The following CCDC88C variants were observed in gnomAD, a reference collection of about 807,000 sequenced individuals.
CCDC88C encodes protein Daple.
Under a neutral mutation model 198.8 loss-of-function variants are expected in CCDC88C, and 131 were observed. That is an observed-to-expected ratio of 0.66 (90% CI 0.57 to 0.76). CCDC88C has a LOEUF of 0.76. Among genes scored for constraint, CCDC88C ranks in the 30% least tolerant of loss-of-function variants. The pLI is 0.00. For missense variants in CCDC88C, 2,553 were observed against 2,631.6 expected (o/e 0.97, Z 0.65); for synonymous variants, 1,166 against 1,114.7 (o/e 1.05, Z -0.92).
At chr14:91,389,798 C>T (rs1200197760) in intron 3 of CCDC88C, among the ~76,000 whole-genome samples, 3 of 151,430 alleles carry the variant, frequency 2.0e-5, no homozygotes, top group Admixed American at 6.6e-5. Context: ...CTTGGCCAGG[C>T]GCGGTGGCTC....
At chr14:91,311,448 A>C (rs1567067642) in intron 15 of CCDC88C, among the ~76,000 whole-genome samples, 1 of 152,128 alleles carries the variant, frequency 6.6e-6, no homozygotes, top group East Asian at 1.9e-4. Flanking sequence ...AGCCCCACCC[A>C]TGCAGCATGA....
chr14:91,282,997 C>T (rs1293374355), intron 26 of CCDC88C, among the ~76,000 whole-genome samples: 1 of 152,258 alleles, frequency 6.6e-6, no homozygotes, highest in Non-Finnish European at 1.5e-5. Flanking sequence ...AGGGCAATGG[C>T]AGTTGCCTGG....
At chr14:91,409,679 G>T (rs1178836131) in intron 2 of CCDC88C, among the ~76,000 whole-genome samples, 1 of 151,490 alleles carries the variant, frequency 6.6e-6, no homozygotes. Flanking sequence ...GTAAAGACAG[G>T]GTTTCACCAT....
intron 3 of CCDC88C, among the ~76,000 whole-genome samples, chr14:91,370,802 C>A (rs922202269): frequency 2.0e-5 from 3 of 152,178 alleles, no homozygotes; most frequent in Non-Finnish European, 4.4e-5. Flanking sequence ...TGAGAATCTG[C>A]ATTTTAAAAC....
At position 91,278,051 on chromosome 14, in the gene CCDC88C, C is replaced by T. The variant is rs765536299; in HGVS notation, c.4929G>A (p.Gln1643=). The change falls in exon 29 of 30, where the codon CAG becomes CAA. Residue 1643 remains glutamine (Q), a synonymous_variant. Coordinates refer to ENST00000389857, the MANE Select transcript of CCDC88C (RefSeq NM_001080414.4). The part of the protein sequence containing the change: ...YPLPRNGPLP[Q]EGAQKRGTAP... ...CTGTGCCCCTCTTCTGGGCACCCTC[C>T]TGTGGGAGAGGCCCGTTCCGAGGCA... The T allele has an allele frequency of 1.6e-5, 25 of 1,609,792 alleles. No homozygotes were observed. Among genetic ancestry groups the T allele is most frequent in the Non-Finnish European group, 2.1e-5 (25 of 1,178,278 alleles).
At chr14:91,390,761 G>C (rs1885460528) in intron 3 of CCDC88C, among the ~76,000 whole-genome samples, 1 of 152,110 alleles carries the variant, frequency 6.6e-6, no homozygotes, top group Admixed American at 6.5e-5. Context: ...CCAAACAACA[G>C]ATTCCAAAGC....
chr14:91,313,761 C>G lies in CCDC88C; in HGVS notation c.2055G>C (p.Leu685Phe), dbSNP rs1446474995. The change falls in exon 15 of 30, where the codon TTG (leucine) becomes TTC (phenylalanine). Residue 685 changes from leucine to phenylalanine, a missense_variant. Physicochemically the swap from Leu to Phe is conservative, Grantham distance 22. Around this residue, in one of 2 missense-constraint regions of CCDC88C, gnomAD observed 1,260 missense variants for 1,412.0 expected, o/e 0.89. Transcript: ENST00000389857. The surrounding 1 kb of genome is among the most constrained non-coding windows in gnomAD (Gnocchi z 5.2). Reference protein sequence around the residue: ...NRTLRKSLDTLQNVSLQLEGL... With the variant: ...NRTLRKSLDTFQNVSLQLEGL... ...CCTCAAGCTGCAGGGACACGTTCTG[C>G]AAGGTGTCCAGAGACTTCCTCAGAG... 2 of 1,607,962 alleles carry G rather than the reference C, an allele frequency of 1.2e-6. No individual in the cohort carries two copies. Among genetic ancestry groups the G allele is most frequent in the Non-Finnish European group, 1.7e-6 (2 of 1,179,686 alleles).
intron 21 of CCDC88C, among the ~76,000 whole-genome samples, chr14:91,298,629 GC>G (rs1891133024): frequency 1.3e-5 from 2 of 152,138 alleles, no homozygotes; most frequent in East Asian, 3.9e-4. Context: ...ACAAAAGGCT[GC>G]CCAGGCAGTC....
At chr14:91,274,383 C>T (rs1000054996) in intron 29 of CCDC88C, among the ~76,000 whole-genome samples, 4 of 152,242 alleles carry the variant, frequency 2.6e-5, no homozygotes, top group Non-Finnish European at 5.9e-5. Flanking sequence ...CATTTGCCAC[C>T]ACCTTGGGAA....
At chr14:91,365,673 C>A (rs1346105091) in intron 3 of CCDC88C, among the ~76,000 whole-genome samples, 6 of 152,114 alleles carry the variant, frequency 3.9e-5, no homozygotes, top group African/African-American at 1.4e-4. Flanking sequence ...TCCTTAGCCC[C>A]GCTCTGAGAA....
At chr14:91,363,808 C>G (rs977224189) in intron 3 of CCDC88C, among the ~76,000 whole-genome samples, 2 of 152,256 alleles carry the variant, frequency 1.3e-5, no homozygotes, top group Non-Finnish European at 2.9e-5. Context: ...TGCCCTCCCC[C>G]GCGGGGAATG....
At chr14:91,277,112 GGCA>G (rs1889999721) in intron 29 of CCDC88C, among the ~76,000 whole-genome samples, 1 of 152,180 alleles carries the variant, frequency 6.6e-6, no homozygotes, top group Admixed American at 6.5e-5. Context: ...TGGGGTTAAA[GGCA>G]CCTGCCACAA....
chr14:91,302,737 C>T (rs928014458), intron 20 of CCDC88C, among the ~76,000 whole-genome samples: 1 of 152,138 alleles, frequency 6.6e-6, no homozygotes, highest in Non-Finnish European at 1.5e-5. Flanking sequence ...TATGATTCTG[C>T]TTCCTTTCTA....
At chr14:91,289,390 C>T (rs374774194) in intron 24 of CCDC88C, 47 bp from the exon 25 acceptor site, 1 of 1,504,612 alleles carries the variant, frequency 6.6e-7, no homozygotes, top group African/African-American at 1.4e-5. Flanking sequence ...TCCCACACAC[C>T]CCCAGTGGGT....
intron 10 of CCDC88C, among the ~76,000 whole-genome samples, chr14:91,332,770 C>T (rs1892888017): frequency 6.6e-6 from 1 of 152,216 alleles, no homozygotes; most frequent in South Asian, 2.1e-4. Context: ...CCTCCCCTTC[C>T]CTCCTCCCGA....
At chr14:91,283,256 T>G in intron 26 of CCDC88C, 73 bp downstream of exon 26, 4 of 1,467,562 alleles carry the variant, frequency 2.7e-6, no homozygotes, top group Non-Finnish European at 3.7e-6. Context: ...CCTCTCTGAT[T>G]TCCGAGAGCC....
intron 3 of CCDC88C, among the ~76,000 whole-genome samples, chr14:91,384,109 C>T (rs115667859): frequency 1.4e-4 from 21 of 152,192 alleles, no homozygotes; most frequent in African/African-American, 4.1e-4. Context: ...AAAGCCAATG[C>T]GTCAACATCC....
At position 91,289,111 on chromosome 14, in the gene CCDC88C, C is replaced by G. The variant is rs370030976; in HGVS notation, c.4435G>C (p.Gly1479Arg). The stretch of plus-strand genomic sequence containing the variant: ...CCAGGACGGCCGCCCCTACCTTTCC[C>G]CACAGACCCGTTGTGGGCGTCGCGC... ...EERDAHNGSV[G>R]KGPGDLKPKR... Residue 1479 changes from glycine (G) to arginine (R), a missense_variant, in exon 25 of 30, where the codon GGG becomes CGG. By Grantham distance (125) the Gly-to-Arg change is moderately radical. Transcript: ENST00000389857. The G allele has an allele frequency of 1.9e-6, 3 of 1,611,954 alleles. No homozygotes were observed. The highest frequency in any genetic ancestry group is 2.5e-6 in the Non-Finnish European group (3 of 1,179,696).
At position 91,272,376 on chromosome 14, in the gene CCDC88C, ATTAT is replaced by A. The variant is rs377242000; in HGVS notation, c.*245_*248del. ...CTAATTGGTCCCCATGCTGACGTGG[ATTAT>A]TTGTTCCAAAGATATCAGCTGCTGG... is the stretch of plus-strand genomic sequence containing the variant. On this transcript the variant is annotated 3_prime_UTR_variant, in exon 30 of 30. Coordinates refer to ENST00000389857, the MANE Select transcript of CCDC88C (RefSeq NM_001080414.4). The A allele has an allele frequency of 9.4e-4, 498 of 528,198 alleles. 2 individuals are homozygous for A. Among genetic ancestry groups the A allele is most frequent in the African/African-American group, 8.8e-3 (452 of 51,254 alleles). The allele number at this position is 528,198 out of a possible 1,614,324, so 32.7% of individuals were successfully genotyped here. A position where few individuals can be genotyped will look rare whatever the true frequency, so the allele number is the denominator to read the frequency against.
Sources: allele counts gnomAD v4.1 joint callset (sites outside exome capture counted in the v4.1 genomes callset), GRCh38; gene constraint gnomAD v4.1.1; regional missense constraint gnomAD v4.1.1; non-coding constraint Gnocchi (gnomAD v3.1); transcripts MANE v1.5; gene names NCBI Gene and HGNC (gene_info 2026-07-23, HGNC 2026-07-21).